Variants in ADCY1 observed in about 807,000 individuals in gnomAD.
The protein encoded by ADCY1 is adenylate cyclase type 1.
A neutral mutation model predicts 105.4 loss-of-function variants in ADCY1; 28 were observed. The observed-to-expected ratio is 0.27, with a 90% CI of 0.20 to 0.36. The LOEUF is 0.36. ADCY1 is among the 10% of genes least tolerant of loss of function. The probability of loss-of-function intolerance (pLI) is 1.00; values close to 1 mark genes in which losing one functional copy is unlikely to be tolerated. For missense variants in ADCY1, 977 were observed against 1,434.2 expected (o/e 0.68, Z 5.15); for synonymous variants, 655 against 623.8 (o/e 1.05, Z -0.75).
chr7:45,714,174 C>A lies in ADCY1; in HGVS notation c.*179C>A. The A allele has an allele frequency of 1.7e-6, 1 of 597,824 alleles. No individual in the cohort carries two copies. Among genetic ancestry groups the A allele is most frequent in the Admixed American group, 2.9e-5 (1 of 33,930 alleles). 37.0% of individuals were successfully genotyped at this position (597,824 alleles called of 1,614,324 possible). On this transcript the variant is annotated 3_prime_UTR_variant, in exon 20 of 20. Transcript: ENST00000297323. ...GCCCGAGGGCCAACCACCGAGCAGGCACAGCACAGCAGTGACTCGGTGAGG... is the reference window on the plus strand; with the variant it reads ...GCCCGAGGGCCAACCACCGAGCAGGAACAGCACAGCAGTGACTCGGTGAGG...
At chr7:45,690,267 A>G (rs1159975713) in intron 14 of ADCY1, among the ~76,000 whole-genome samples, 1 of 152,150 alleles carries the variant, frequency 6.6e-6, no homozygotes, top group Non-Finnish European at 1.5e-5. Flanking sequence ...AGCGGAGGGC[A>G]CACTCTAAGG....
intron 4 of ADCY1, among the ~76,000 whole-genome samples, chr7:45,632,490 A>AT (rs923372084): frequency 6.6e-6 from 1 of 150,942 alleles, no homozygotes; most frequent in Non-Finnish European, 1.5e-5. Flanking sequence ...ATATTCTTTA[A>AT]TTTTTTCTCA....
intron 5 of ADCY1, among the ~76,000 whole-genome samples, chr7:45,652,805 A>G (rs1247399674): frequency 2.6e-5 from 4 of 152,154 alleles, no homozygotes. Flanking sequence ...CTGGACTTGA[A>G]AGTGGGATCC....
chr7:45,666,517 C>T (rs1051579918), intron 8 of ADCY1, among the ~76,000 whole-genome samples: 18 of 152,156 alleles, frequency 1.2e-4, no homozygotes, highest in African/African-American at 4.1e-4. Flanking sequence ...TTTCTTAATA[C>T]AGTCTGTCAT....
chr7:45,679,205 C>A (rs777403798), intron 10 of ADCY1, among the ~76,000 whole-genome samples: 8 of 152,204 alleles, frequency 5.3e-5, no homozygotes, highest in Non-Finnish European at 1.0e-4. Context: ...GAGGCCACCC[C>A]ACACCTGCGG....
Position 45,721,795 on chromosome 7 carries a change from C to T in ADCY1, c.*7800C>T, listed in dbSNP as rs969622678. The T allele has an allele frequency of 1.5e-5, 6 of 398,600 alleles. No homozygotes were observed. The highest frequency in any genetic ancestry group is 2.1e-5 in the African/African-American group (1 of 48,724). The allele number at this position is 398,600 out of a possible 1,614,324, so 24.7% of individuals were successfully genotyped here. A position where few individuals can be genotyped will look rare whatever the true frequency, so the allele number is the denominator to read the frequency against. On this transcript the variant is annotated 3_prime_UTR_variant, in exon 20 of 20. Coordinates refer to ENST00000297323, the MANE Select transcript of ADCY1 (RefSeq NM_021116.4). The stretch of plus-strand genomic sequence containing the variant: ...AACCACCAGAGCACATGTGCTCTGA[C>T]CCTCTCCTGGGCATTGGTTCCTGCT...
At chr7:45,614,829 A>G (rs1005570390) in intron 3 of ADCY1, among the ~76,000 whole-genome samples, 1 of 152,234 alleles carries the variant, frequency 6.6e-6, no homozygotes, top group African/African-American at 2.4e-5. Context: ...GGAAGATAAA[A>G]TAATTGTAAA....
In ADCY1 at chr7:45,631,002, T is replaced by G. The variant is rs564783253; in HGVS notation, c.1020+8259T>G. 9.9e-5 allele frequency among the ~76,000 whole-genome samples: 15 copies of G among 152,268 alleles called. No individual in the cohort carries two copies. The South Asian group carries it at 2.7e-3, about 27-fold the overall frequency. ...AAAAATAAGACTAAATATGACTATT[T>G]TGGTTGGTTAGTGAGAAGTAAAATA... On this transcript the variant is annotated intron_variant, in intron 4 of 19. Transcript: ENST00000297323.
chr7:45,634,365 A>G (rs914953141), intron 4 of ADCY1, among the ~76,000 whole-genome samples: 1 of 148,152 alleles, frequency 6.7e-6, no homozygotes, highest in African/African-American at 2.5e-5. Flanking sequence ...TACCAGTTGG[A>G]TTTTTTGTGG....
intron 5 of ADCY1, among the ~76,000 whole-genome samples, chr7:45,649,762 C>A (rs965507614): frequency 2.6e-5 from 4 of 152,226 alleles, no homozygotes; most frequent in Non-Finnish European, 5.9e-5. Context: ...GTGTCGGACA[C>A]ATGAGCAAAG....
intron 19 of ADCY1, among the ~76,000 whole-genome samples, chr7:45,711,628 TATATATATATATATATAC>T (rs1255657900): frequency 6.6e-3 from 242 of 36,676 alleles, no homozygotes; most frequent in African/African-American, 0.011. Flanking sequence ...TATATATATA[TATATATATATATATATAC>T]ACACACACAC....
chr7:45,703,212 A>G lies in ADCY1; in HGVS notation c.2455-164A>G, dbSNP rs1287669024. On this transcript the variant is annotated intron_variant, in intron 14 of 19. Transcript: ENST00000297323. This position sits in a 1 kb window ranked among gnomAD's most constrained non-coding sequence, Gnocchi z 5.9. ...ATCTGCAGATCTTCCCTACCCAGTA[A>G]CATGGATCTAGTCTTGCATCTAGTG... is the stretch of plus-strand genomic sequence containing the variant. Among the ~76,000 whole-genome samples the G allele has an allele frequency of 2.6e-5, 4 of 152,174 alleles. No individual in the cohort carries two copies. Among genetic ancestry groups the G allele is most frequent in the Non-Finnish European group, 5.9e-5 (4 of 68,036 alleles).
At position 45,610,462 on chromosome 7, in the gene ADCY1, C is replaced by T. The variant is rs1462607084; in HGVS notation, c.873C>T (p.Phe291=). 1.2e-6 allele frequency: 2 copies of T among 1,613,856 alleles called. No homozygotes were observed. The highest frequency in any genetic ancestry group is 3.3e-5 in the Admixed American group (2 of 59,998). The part of the protein sequence containing the change: ...EDFLKPPERI[F]HKIYIQRHDN... ...TCCTGAAGCCCCCTGAGAGGATTTT[C>T]CACAAGATTTACATCCAGAGGCACG... The change falls in exon 3 of 20, where the codon TTC becomes TTT. Residue 291 remains phenylalanine, a synonymous_variant. Transcript: ENST00000297323.
intron 3 of ADCY1, among the ~76,000 whole-genome samples, chr7:45,615,090 C>G (rs1793701488): frequency 6.6e-6 from 1 of 152,158 alleles, no homozygotes; most frequent in Non-Finnish European, 1.5e-5. Flanking sequence ...TTCTCAAGTG[C>G]ACATGGATCT....
At chr7:45,585,682 A>G (rs979565465) in intron 1 of ADCY1, among the ~76,000 whole-genome samples, 2 of 152,080 alleles carry the variant, frequency 1.3e-5, no homozygotes, top group Non-Finnish European at 2.9e-5. Flanking sequence ...TCCTGACCTC[A>G]GGTGATCCAC....
In ADCY1 at chr7:45,703,256, G is replaced by A. The variant is rs73102650; in HGVS notation, c.2455-120G>A. 238 of 872,588 alleles carry A rather than the reference G, an allele frequency of 2.7e-4. No homozygotes were observed. Among genetic ancestry groups the A allele is most frequent in the Non-Finnish European group, 3.7e-4 (192 of 519,574 alleles). The allele number at this position is 872,588 out of a possible 1,614,324, so 54.1% of individuals were successfully genotyped here. ...TCTAGTGGGGAGGAGGGACAGGAGC[G>A]TGGATGTAGACCATCAGCACACCTG... is the stretch of plus-strand genomic sequence containing the variant. On this transcript the variant is annotated intron_variant, in intron 14 of 19. Coordinates refer to ENST00000297323, the MANE Select transcript of ADCY1 (RefSeq NM_021116.4). The surrounding 1 kb of genome is among the most constrained non-coding windows in gnomAD (Gnocchi z 5.9).
chr7:45,706,806 A>C (rs966814314), intron 17 of ADCY1, among the ~76,000 whole-genome samples: 2 of 152,188 alleles, frequency 1.3e-5, no homozygotes, highest in African/African-American at 4.8e-5. Context: ...CAAGCCACCT[A>C]TCTGATAAAG....
chr7:45,652,870 C>A (rs1794847381), intron 5 of ADCY1, among the ~76,000 whole-genome samples: 1 of 152,168 alleles, frequency 6.6e-6, no homozygotes, highest in South Asian at 2.1e-4. Context: ...CCTCTGGGAG[C>A]CACAGCATCC....
At chr7:45,579,389 G>A (rs1279144799) in intron 1 of ADCY1, among the ~76,000 whole-genome samples, 1 of 151,584 alleles carries the variant, frequency 6.6e-6, no homozygotes, top group East Asian at 1.9e-4. Flanking sequence ...TTCCTCCCCG[G>A]CTGGGATCCT....
Sources: allele counts gnomAD v4.1 joint callset (sites outside exome capture counted in the v4.1 genomes callset), GRCh38; gene constraint gnomAD v4.1.1; non-coding constraint Gnocchi (gnomAD v3.1); transcripts MANE v1.5; gene names NCBI Gene and HGNC (gene_info 2026-07-23, HGNC 2026-07-21).